The following RBFOX1 variants were observed in gnomAD, a reference collection of about 807,000 sequenced individuals.
RBFOX1 encodes RNA binding fox-1 homolog 1.
A neutral mutation model predicts 57.7 loss-of-function variants in RBFOX1; 8 were observed. That is an observed-to-expected ratio of 0.14 (90% confidence interval 0.08 to 0.25). The LOEUF (loss-of-function observed/expected upper bound fraction) is 0.25. Among genes scored for constraint, RBFOX1 ranks in the 10% least tolerant of loss-of-function variants. The probability of loss-of-function intolerance (pLI) is 1.00; values close to 1 mark genes in which losing one functional copy is unlikely to be tolerated. For missense variants in RBFOX1, 611 were observed against 548.5 expected, an observed-to-expected ratio of 1.11 and a Z score of -1.14; for synonymous variants, 326 against 222.4, an observed-to-expected ratio of 1.47 and a Z score of -4.15.
intron 2 of RBFOX1, among the ~76,000 whole-genome samples, chr16:6,653,166 T>G (rs1440194086): frequency 6.6e-6 from 1 of 152,146 alleles, no homozygotes; most frequent in Non-Finnish European, 1.5e-5. Flanking sequence ...TTCAAGCCTT[T>G]TCTCAATTGC....
At chr16:6,365,885 T>G (rs1220883509) in intron 2 of RBFOX1, among the ~76,000 whole-genome samples, 1 of 152,212 alleles carries the variant, frequency 6.6e-6, no homozygotes, top group Admixed American at 6.5e-5. Flanking sequence ...ATACCTAGAA[T>G]AGAGAGAGCA....
chr16:5,833,369 C>A (rs1379677457), intron 3 of RBFOX1, among the ~76,000 whole-genome samples: 1 of 151,896 alleles, frequency 6.6e-6, no homozygotes, highest in Non-Finnish European at 1.5e-5. Context: ...GTGGCAGGCA[C>A]CTGTAGTCCC....
At chr16:6,684,556 T>A (rs1384906755) in intron 3 of RBFOX1, among the ~76,000 whole-genome samples, 1 of 152,180 alleles carries the variant, frequency 6.6e-6, no homozygotes, top group Non-Finnish European at 1.5e-5. Flanking sequence ...ATCAATTACT[T>A]CTAGGGCTGC....
At chr16:6,648,062 C>T (rs1005158722) in intron 2 of RBFOX1, among the ~76,000 whole-genome samples, 1 of 152,030 alleles carries the variant, frequency 6.6e-6, no homozygotes, top group Non-Finnish European at 1.5e-5. Context: ...AGACAGGTCT[C>T]AAACTCCTGG....
At chr16:6,459,829 A>G (rs967390514) in intron 2 of RBFOX1, among the ~76,000 whole-genome samples, 5 of 151,572 alleles carry the variant, frequency 3.3e-5, no homozygotes, top group Non-Finnish European at 5.9e-5. Flanking sequence ...TACATAAGAT[A>G]CAAAATTAGC....
chr16:6,195,507 C>T (rs540329947), intron 1 of RBFOX1, among the ~76,000 whole-genome samples: 11 of 152,034 alleles, frequency 7.2e-5, no homozygotes, highest in Non-Finnish European at 1.5e-4. Flanking sequence ...CACCTGAGGT[C>T]GGGATTTCGA....
chr16:6,360,879 C>A (rs2088352547), intron 2 of RBFOX1, among the ~76,000 whole-genome samples: 1 of 152,000 alleles, frequency 6.6e-6, no homozygotes, highest in South Asian at 2.1e-4. Flanking sequence ...TTTTGGAGAC[C>A]CTGAGTTTCT....
Position 6,256,159 on chromosome 16 carries a change from GTA to G in RBFOX1, c.-126-60826_-126-60825del, listed in dbSNP as rs1245956056. On this transcript the variant is annotated intron_variant, in intron 1 of 15. Coordinates refer to ENST00000550418, the MANE Select transcript of RBFOX1 (RefSeq NM_018723.4). ...TATATGTGTGTATATATATATATAT[GTA>G]TATATATATGTATATATATATATAC... 9.2e-4 allele frequency among the ~76,000 whole-genome samples: 29 copies of G among 31,434 alleles called. 1 individual carries two copies. The highest frequency in any genetic ancestry group is 2.0e-3 in the African/African-American group (27 of 13,704). The allele number at this position is 31,434 out of a possible 152,430, so 20.6% of individuals were successfully genotyped here.
At chr16:6,184,674 C>T (rs1380369133) in intron 1 of RBFOX1, among the ~76,000 whole-genome samples, 2 of 152,060 alleles carry the variant, frequency 1.3e-5, no homozygotes, top group African/African-American at 2.4e-5. Flanking sequence ...ATTCTCCTGC[C>T]TCACCGTCTC....
chr16:6,147,782 T>C (rs1246188723), intron 1 of RBFOX1, among the ~76,000 whole-genome samples: 1 of 152,238 alleles, frequency 6.6e-6, no homozygotes, highest in Non-Finnish European at 1.5e-5. Context: ...ATCCACTCAG[T>C]TGCTGAAATT....
intron 4 of RBFOX1, among the ~76,000 whole-genome samples, chr16:7,098,314 T>A (rs2151292261): frequency 6.6e-6 from 1 of 152,190 alleles, no homozygotes; most frequent in Non-Finnish European, 1.5e-5. Context: ...AGATTACAGG[T>A]GTGCATCGCC....
At position 5,981,444 on chromosome 16, in the gene RBFOX1, C is replaced by T. The variant is rs370835872; in HGVS notation, c.351+114109C>T. Among the ~76,000 whole-genome samples, 53 of 152,242 alleles carry T rather than the reference C, an allele frequency of 3.5e-4. No homozygotes were observed. In the East Asian group the frequency reaches 8.3e-3, roughly 24 times the overall value. On this transcript the variant is annotated intron_variant, in intron 4 of 19. Transcript: ENST00000641259. ...AACTATTGGATTAGATTATTTCTTT[C>T]CTTCTGAAGTTGTGTGATGTTTTAT...
intron 3 of RBFOX1, among the ~76,000 whole-genome samples, chr16:5,735,306 A>G (rs17138489): frequency 0.4 from 60,589 of 152,108 alleles, 12,357 homozygotes; most frequent in East Asian, 0.55. Context: ...AAACCCAGAC[A>G]GTGTTAGTTC....
intron 2 of RBFOX1, among the ~76,000 whole-genome samples, chr16:6,619,289 T>A (rs1413965154): frequency 6.6e-6 from 1 of 152,154 alleles, no homozygotes; most frequent in Non-Finnish European, 1.5e-5. Flanking sequence ...TGATAATGAG[T>A]TGGTGGCCTT....
intron 4 of RBFOX1, among the ~76,000 whole-genome samples, chr16:5,902,336 T>C (rs1006562062): frequency 1.7e-4 from 26 of 152,196 alleles, no homozygotes. Context: ...TGGGTGAGTC[T>C]CATCCTCTGT....
At chr16:6,398,483 C>T (rs987955689) in intron 2 of RBFOX1, among the ~76,000 whole-genome samples, 1 of 152,060 alleles carries the variant, frequency 6.6e-6, no homozygotes, top group Non-Finnish European at 1.5e-5. Flanking sequence ...AGTTAGGTAC[C>T]TACTAGATAC....
At chr16:6,869,711 C>G (rs752129999) in intron 3 of RBFOX1, among the ~76,000 whole-genome samples, 2 of 152,154 alleles carry the variant, frequency 1.3e-5, no homozygotes, top group Non-Finnish European at 2.9e-5. Flanking sequence ...GTTGGCAAAG[C>G]CATGTGACTC....
At chr16:6,927,630 C>T (rs1011029692) in intron 3 of RBFOX1, among the ~76,000 whole-genome samples, 12 of 152,142 alleles carry the variant, frequency 7.9e-5, no homozygotes, top group Non-Finnish European at 1.6e-4. Context: ...GCTTAATAGA[C>T]ATCTGCTGCA....
At chr16:7,340,791 C>T (rs114797872) in intron 4 of RBFOX1, among the ~76,000 whole-genome samples, 1 of 152,170 alleles carries the variant, frequency 6.6e-6, no homozygotes, top group South Asian at 2.1e-4. Flanking sequence ...TATATAAATT[C>T]ACTTTTTTAA....
Sources: allele counts gnomAD v4.1 joint callset (sites outside exome capture counted in the v4.1 genomes callset), GRCh38; gene constraint gnomAD v4.1.1; transcripts MANE v1.5; gene names NCBI Gene and HGNC (gene_info 2026-07-23, HGNC 2026-07-21).